The following PDE4C variants were observed in gnomAD, a reference collection of about 807,000 sequenced individuals.
PDE4C encodes the protein 3',5'-cyclic-AMP phosphodiesterase 4C.
A neutral mutation model predicts 63.9 loss-of-function variants in PDE4C; 50 were observed. That is an observed-to-expected ratio of 0.78 (90% CI 0.62 to 0.99). PDE4C has a LOEUF of 0.99. PDE4C is among the 50% of genes least tolerant of loss of function. The pLI is 0.00. For synonymous variants in PDE4C, 377 were observed against 385.1 expected (o/e 0.98, Z 0.25); for missense variants, 777 against 899.1 (o/e 0.86, Z 1.74).
intron 14 of PDE4C, 43 bp from the exon 15 acceptor site, chr19:18,211,319 GTGAACC>G: frequency 6.7e-7 from 1 of 1,492,486 alleles, no homozygotes. Context: ...GTGAGTTACA[GTGAACC>G]CTAGACTCAA....
intron 3 of PDE4C, 26 bp downstream of exon 3, chr19:18,221,235 G>T: frequency 6.4e-7 from 1 of 1,554,288 alleles, no homozygotes; most frequent in Non-Finnish European, 8.6e-7. Context: ...GAGGGGGTCA[G>T]GGCAGGGAGG....
intron 11 of PDE4C, among the ~76,000 whole-genome samples, chr19:18,217,931 G>A (rs899141446): frequency 6.6e-6 from 1 of 152,158 alleles, no homozygotes; most frequent in Non-Finnish European, 1.5e-5. Flanking sequence ...GGTGGAACCA[G>A]ATCAGCTCTG....
At chr19:18,218,442 C>G in exon 10 of PDE4C, 1 of 1,614,218 alleles carries the variant, frequency 6.2e-7, no homozygotes, top group Non-Finnish European at 8.5e-7. Context: ...CCAGCATCAG[C>G]AGGTAGGTGG....
intron 2 of PDE4C, 32 bp downstream of exon 2, chr19:18,222,100 A>G: frequency 6.4e-7 from 1 of 1,561,318 alleles, no homozygotes; most frequent in Non-Finnish European, 8.8e-7. Context: ...GGGAGGGTAG[A>G]GGCGGTGTCA....
intron 1 of PDE4C, among the ~76,000 whole-genome samples, chr19:18,223,121 C>G (rs1260206065): frequency 6.6e-6 from 1 of 152,042 alleles, no homozygotes; most frequent in Non-Finnish European, 1.5e-5. Context: ...CGGCTCACTG[C>G]AACCTCCACC....
At chr19:18,250,844 GCTTA>G (rs1969221864), upstream of PDE4C, among the ~76,000 whole-genome samples, 1 of 150,458 alleles carries the variant, frequency 6.6e-6, no homozygotes, top group South Asian at 2.1e-4. Flanking sequence ...CGTTATCTCA[GCTTA>G]CTGTGACCTC....
chr19:18,244,076 G>A (rs1410039439), intron 1 of PDE4C, among the ~76,000 whole-genome samples: 1 of 151,720 alleles, frequency 6.6e-6, no homozygotes, highest in Non-Finnish European at 1.5e-5. Context: ...GTTTCACCCT[G>A]TTGGCCAGGC....
At chr19:18,231,002 TGAGTA>T (rs1305784831), upstream of PDE4C, among the ~76,000 whole-genome samples, 1 of 152,214 alleles carries the variant, frequency 6.6e-6, no homozygotes, top group Non-Finnish European at 1.5e-5. Context: ...TTTCTAGGGC[TGAGTA>T]AAGAGCCACA....
At chr19:18,251,984 C>G (rs1194074259), upstream of PDE4C, 2 of 398,132 alleles carry the variant, frequency 5.0e-6, no homozygotes, top group Non-Finnish European at 8.8e-6. Context: ...GGCTGTACCT[C>G]CCCCTGGTGG....
chr19:18,211,462 C>G (rs1967935768), intron 14 of PDE4C, among the ~76,000 whole-genome samples, 186 bp from the exon 15 acceptor site: 1 of 152,162 alleles, frequency 6.6e-6, no homozygotes, highest in Admixed American at 6.5e-5. Flanking sequence ...ACCCTTCTGG[C>G]CTCCTCCAAC....
At chr19:18,251,703 T>TCGCCCCCGCCCCCGCCCC (rs1969232262), upstream of PDE4C, among the ~76,000 whole-genome samples, 1 of 68,804 alleles carries the variant, frequency 1.5e-5, no homozygotes. Flanking sequence ...GCCCCCGCCC[T>TCGCCCCCGCCCCCGCCCC]CGGCCTCCCA....
At chr19:18,222,188 G>C (rs142235928) in exon 2 of PDE4C, 2 of 1,614,126 alleles carry the variant, frequency 1.2e-6, no homozygotes, top group South Asian at 2.2e-5. Flanking sequence ...GTTCATAGTC[G>C]CTATCTGAGC....
chr19:18,220,866 T>C lies in PDE4C; in HGVS notation c.499+8A>G, dbSNP rs768883156. On this transcript the variant is annotated splice_region_variant and intron_variant, in intron 5 of 14. Coordinates refer to ENST00000262805, the Ensembl canonical transcript of PDE4C. This position sits in a 1 kb window ranked among gnomAD's most constrained non-coding sequence, Gnocchi z 5.1. Reference sequence around the variant, plus strand: ...CTCAGCGGGGGAGGGAAGGAACAGGTACTTTACCTGCAGGAGGGAGCTGAT... The same window carrying C: ...CTCAGCGGGGGAGGGAAGGAACAGGCACTTTACCTGCAGGAGGGAGCTGAT... 1.7e-5 allele frequency: 28 copies of C among 1,607,100 alleles called. No homozygotes were observed. The highest frequency in any genetic ancestry group is 2.4e-5 in the Non-Finnish European group (28 of 1,177,732).
Position 18,247,937 on chromosome 19 carries a change from C to T in PDE4C, c.-210+234G>A, listed in dbSNP as rs150308102. Among the ~76,000 whole-genome samples the T allele has an allele frequency of 1.5e-3, 232 of 152,300 alleles. 1 individual carries two copies. Among genetic ancestry groups the T allele is most frequent in the African/African-American group, 5.3e-3 (220 of 41,562 alleles). On this transcript the variant is annotated intron_variant, in intron 1 of 15. Coordinates refer to the PDE4C transcript ENST00000594617. ...TGCAGCGGTCCCCATCCAGGGACAG[C>T]AGCCAGGTGCCCAAAGCCCCTCCCC... is the stretch of plus-strand genomic sequence containing the variant.
chr19:18,221,056 A>AGG, intron 4 of PDE4C, 49 bp downstream of exon 4: 1 of 740,048 alleles, frequency 1.4e-6, no homozygotes, highest in Non-Finnish European at 1.9e-6. Flanking sequence ...CTTTCCGCCC[A>AGG]CCTTGTCTCT....
At chr19:18,227,531 G>A (rs781578400), upstream of PDE4C, among the ~76,000 whole-genome samples, 22 of 152,334 alleles carry the variant, frequency 1.4e-4, 1 homozygote, top group Non-Finnish European at 2.8e-4. Flanking sequence ...GGCCTCTGGT[G>A]TCTGGGAGGA....
At chr19:18,248,128 G>A (rs1969163286) in intron 1 of PDE4C, 2 of 455,848 alleles carry the variant, frequency 4.4e-6, no homozygotes, top group Admixed American at 2.4e-5. Flanking sequence ...CCAAGCTCAA[G>A]AATAAGCTTG....
intron 7 of PDE4C, 185 bp from the exon 8 acceptor site, chr19:18,219,582 G>T (rs1431759874): frequency 9.5e-6 from 6 of 630,910 alleles, no homozygotes; most frequent in Non-Finnish European, 1.6e-5. Context: ...CCAGTGCTTT[G>T]GGAGGTCGAG....
upstream of PDE4C, among the ~76,000 whole-genome samples, chr19:18,234,002 G>A (rs1270359620): frequency 1.3e-5 from 2 of 152,194 alleles, no homozygotes; most frequent in Non-Finnish European, 2.9e-5. Flanking sequence ...GATATGAGAA[G>A]GACAGGGAAA....
Sources: gnomAD v4.1 joint callset for allele counts (sites outside exome capture counted in the v4.1 genomes callset) on GRCh38, gnomAD v4.1.1 for gene constraint, Gnocchi (gnomAD v3.1) non-coding constraint, MANE v1.5 for transcripts, NCBI Gene and HGNC (gene_info 2026-07-23, HGNC 2026-07-21) for gene names.